TTBK2: variants seen among roughly 807,000 people sequenced by gnomAD.
TTBK2 encodes tau-tubulin kinase 2.
A neutral mutation model predicts 110.8 loss-of-function variants in TTBK2; 28 were observed. The ratio of observed to expected loss-of-function variants is 0.25; its 90% CI spans 0.19 to 0.35. The LOEUF (loss-of-function observed/expected upper bound fraction) is 0.35. Among genes scored for constraint, TTBK2 ranks in the 10% least tolerant of loss-of-function variants. TTBK2 has a pLI of 1.00. For synonymous variants in TTBK2, 532 were observed against 527.3 expected (o/e 1.01, Z -0.12); for missense variants, 1,369 against 1,500.3 (o/e 0.91, Z 1.45).
intron 1 of TTBK2, among the ~76,000 whole-genome samples, chr15:42,881,212 G>C (rs910083117): frequency 4.0e-5 from 6 of 148,810 alleles, no homozygotes; most frequent in African/African-American, 1.2e-4. Flanking sequence ...GAACCCGGGA[G>C]GCGGAGCTTG....
chr15:42,766,653 A>G (rs1191142449), intron 13 of TTBK2, among the ~76,000 whole-genome samples: 5 of 151,972 alleles, frequency 3.3e-5, no homozygotes, highest in African/African-American at 1.2e-4. Context: ...GAGACCTACA[A>G]AGAGACTTAG....
At position 42,915,674 on chromosome 15, in the gene TTBK2, T is replaced by C. The variant is rs532781451; in HGVS notation, c.-68+4764A>G. Among the ~76,000 whole-genome samples, 3 of 152,284 alleles carry C rather than the reference T, an allele frequency of 2.0e-5. No homozygotes were observed. The East Asian group carries it at 5.8e-4, about 29-fold the overall frequency. On this transcript the variant is annotated intron_variant, in intron 1 of 14. Transcript: ENST00000267890. ...GAAATAAAATGCAGAGGGCTAGGCA[T>C]TGTGCCTCATGCCTATAATTCCTGC...
intron 6 of TTBK2, among the ~76,000 whole-genome samples, chr15:42,818,490 C>A (rs537557399): frequency 2.0e-5 from 3 of 152,148 alleles, no homozygotes; most frequent in African/African-American, 7.2e-5. Flanking sequence ...GAGGCTGAGG[C>A]GGGCAGATCA....
rs902981748 is a variant in TTBK2, at chr15:42,744,897, G to A, written c.*898C>T. Reference sequence around the variant, plus strand: ...AGACTTAAGGAAGCAGTCTACTCTGGTCAGTTTTCCTTCTACTCAAGTTTC... The same window carrying A: ...AGACTTAAGGAAGCAGTCTACTCTGATCAGTTTTCCTTCTACTCAAGTTTC... On this transcript the variant is annotated 3_prime_UTR_variant, in exon 15 of 15. Transcript: ENST00000267890. 3 of 153,924 alleles carry A rather than the reference G, an allele frequency of 1.9e-5. No individual in the cohort carries two copies. The highest frequency in any genetic ancestry group is 7.2e-5 in the African/African-American group (3 of 41,468). 9.5% of individuals were successfully genotyped at this position (153,924 alleles called of 1,614,324 possible).
At position 42,764,175 on chromosome 15, in the gene TTBK2, C is replaced by T. The variant is rs1889242591; in HGVS notation, c.1999-10928G>A. ...GAATAGGAACAGCTCCAGTCTGCAGCTCCCAGCATGACTGACGCAGAAGAC... is the reference window on the plus strand; with the variant it reads ...GAATAGGAACAGCTCCAGTCTGCAGTTCCCAGCATGACTGACGCAGAAGAC... On this transcript the variant is annotated intron_variant, in intron 13 of 14. Coordinates refer to ENST00000267890, the MANE Select transcript of TTBK2 (RefSeq NM_173500.4). Among the ~76,000 whole-genome samples, 5 of 152,330 alleles carry T rather than the reference C, an allele frequency of 3.3e-5. No homozygotes were observed. In the South Asian group the frequency reaches 1.0e-3, roughly 32 times the overall value.
At chr15:42,899,671 C>T (rs1217946036) in intron 1 of TTBK2, among the ~76,000 whole-genome samples, 1 of 151,928 alleles carries the variant, frequency 6.6e-6, no homozygotes, top group Non-Finnish European at 1.5e-5. Flanking sequence ...ACCCAGGAGG[C>T]GGAGGTTGCA....
At position 42,775,790 on chromosome 15, in the gene TTBK2, C is replaced by A. The variant is rs1034914100; in HGVS notation, c.1410-67G>T. The A allele has an allele frequency of 8.7e-6, 11 of 1,263,944 alleles. No individual in the cohort carries two copies. The African/African-American group carries it at 1.7e-4, about 19-fold the overall frequency. The allele number at this position is 1,263,944 out of a possible 1,614,324, so 78.3% of individuals were successfully genotyped here. On this transcript the variant is annotated intron_variant, in intron 12 of 14. Coordinates refer to ENST00000267890, the MANE Select transcript of TTBK2 (RefSeq NM_173500.4). Reference sequence around the variant, plus strand: ...ACATTTATTATATAATATATAAGCTCCATAAAGAACTAATATGGACACAAA... The same window carrying A: ...ACATTTATTATATAATATATAAGCTACATAAAGAACTAATATGGACACAAA...
chr15:42,895,704 AT>A (rs1439163175), intron 1 of TTBK2, among the ~76,000 whole-genome samples: 4 of 151,576 alleles, frequency 2.6e-5, no homozygotes, highest in Admixed American at 2.0e-4. Context: ...CGCCCAGCTA[AT>A]TTTTTGTATT....
intron 13 of TTBK2, among the ~76,000 whole-genome samples, chr15:42,763,161 T>TATATATATATAC: frequency 9.9e-5 from 1 of 10,126 alleles, no homozygotes; most frequent in Non-Finnish European, 1.8e-4. Flanking sequence ...TATATACATA[T>TATATATATATAC]ATATATATAT....
chr15:42,799,512 C>A (rs1891087796), intron 9 of TTBK2, among the ~76,000 whole-genome samples: 1 of 152,102 alleles, frequency 6.6e-6, no homozygotes, highest in East Asian at 1.9e-4. Flanking sequence ...CAGCTCACTG[C>A]AACCTCTGCC....
At chr15:42,801,924 C>T (rs776956454) in intron 9 of TTBK2, 32 of 1,582,028 alleles carry the variant, frequency 2.0e-5, no homozygotes, top group Middle Eastern at 1.7e-4. Context: ...TGCCAAGCTC[C>T]GCCTCCAGCT....
At chr15:42,885,563 T>C (rs994434363) in intron 1 of TTBK2, among the ~76,000 whole-genome samples, 7 of 152,220 alleles carry the variant, frequency 4.6e-5, no homozygotes, top group Admixed American at 6.5e-5. Flanking sequence ...TGCCTGATTA[T>C]TCACCCACGT....
rs537792638 is a variant in TTBK2, at chr15:42,817,234, C to T, written c.538-137G>A. On this transcript the variant is annotated intron_variant, in intron 6 of 14. Coordinates refer to ENST00000267890, the MANE Select transcript of TTBK2 (RefSeq NM_173500.4). Reference sequence around the variant, plus strand: ...ACACTATTTAATTTCTAACTTTTAACTATGAAATTACAAGAAACTAGAGAG... The same window carrying T: ...ACACTATTTAATTTCTAACTTTTAATTATGAAATTACAAGAAACTAGAGAG... The T allele has an allele frequency of 1.4e-4, 63 of 453,460 alleles. No homozygotes were observed. The South Asian group carries it at 2.5e-3, about 18-fold the overall frequency. The allele number at this position is 453,460 out of a possible 1,614,324, so 28.1% of individuals were successfully genotyped here. A position where few individuals can be genotyped will look rare whatever the true frequency, so the allele number is the denominator to read the frequency against.
chr15:42,841,658 A>G (rs1289359466), intron 3 of TTBK2, among the ~76,000 whole-genome samples: 2 of 152,200 alleles, frequency 1.3e-5, no homozygotes, highest in Non-Finnish European at 2.9e-5. Flanking sequence ...GTAGACCACA[A>G]GGGTGTCAAT....
At position 42,849,014 on chromosome 15, in the gene TTBK2, G is replaced by C. The variant is rs974768752; in HGVS notation, c.218-8581C>G. 3.3e-5 allele frequency among the ~76,000 whole-genome samples: 5 copies of C among 152,164 alleles called. No individual in the cohort carries two copies. The East Asian group carries it at 7.7e-4, about 23-fold the overall frequency. ...ATCATGTCATCCACAAACAGGAACAGTTTTATTTCCTCCTTTTCAGCCTGT... is the reference window on the plus strand; with the variant it reads ...ATCATGTCATCCACAAACAGGAACACTTTTATTTCCTCCTTTTCAGCCTGT... On this transcript the variant is annotated intron_variant, in intron 3 of 14. Coordinates refer to ENST00000267890, the MANE Select transcript of TTBK2 (RefSeq NM_173500.4).
At position 42,766,066 on chromosome 15, in the gene TTBK2, T is replaced by G. The variant is rs181261367; in HGVS notation, c.1998+9069A>C. Among the ~76,000 whole-genome samples the G allele has an allele frequency of 1.4e-3, 207 of 152,156 alleles. 1 individual carries two copies. The highest frequency in any genetic ancestry group is 6.8e-3 in the Middle Eastern group (2 of 294). On this transcript the variant is annotated intron_variant, in intron 13 of 14. Transcript: ENST00000267890. The stretch of plus-strand genomic sequence containing the variant: ...ATAAAATCCTTTACAGACAAGCAAA[T>G]GTTGAGAGATTTTGTCACCTCCAGG...
chr15:42,797,339 A>T (rs1391634477), intron 9 of TTBK2, among the ~76,000 whole-genome samples: 11 of 152,214 alleles, frequency 7.2e-5, no homozygotes, highest in Non-Finnish European at 1.6e-4. Context: ...TGTCTTAGAA[A>T]ATGTATTCTA....
chr15:42,821,687 T>TG (rs1567043746), intron 6 of TTBK2, among the ~76,000 whole-genome samples: 5 of 130,600 alleles, frequency 3.8e-5, no homozygotes, highest in African/African-American at 1.7e-4. Context: ...TTGTTTTTTG[T>TG]TTTTTTTTTG....
Position 42,745,720 on chromosome 15 carries a change from A to G in TTBK2, c.*75T>C. 1.3e-6 allele frequency: 2 copies of G among 1,548,922 alleles called. No homozygotes were observed. Among genetic ancestry groups the G allele is most frequent in the Non-Finnish European group, 8.9e-7 (1 of 1,122,672 alleles). ...AAGATCAACACTGATTTTTTTACAT[A>G]GAAAGTACAGGGACACACATGCATC... On this transcript the variant is annotated 3_prime_UTR_variant, in exon 15 of 15. Coordinates refer to ENST00000267890, the MANE Select transcript of TTBK2 (RefSeq NM_173500.4).
Sources: allele counts gnomAD v4.1 joint callset (sites outside exome capture counted in the v4.1 genomes callset), GRCh38; gene constraint gnomAD v4.1.1; transcripts MANE v1.5; gene names NCBI Gene and HGNC (gene_info 2026-07-23, HGNC 2026-07-21).